The following MIPEP variants were observed in gnomAD, a reference collection of about 807,000 sequenced individuals.
MIPEP encodes the protein mitochondrial intermediate peptidase.
MIPEP carries 79 observed loss-of-function variants against 90.3 expected under a neutral mutation model. The observed-to-expected ratio is 0.87, with a 90% confidence interval of 0.73 to 1.05. The LOEUF (loss-of-function observed/expected upper bound fraction) is 1.05, where lower values mean the gene tolerates loss of function less well. Among genes scored for constraint, MIPEP ranks in the 50% least tolerant of loss-of-function variants. The pLI, the probability that MIPEP is intolerant of heterozygous loss-of-function variation, is 0.00. For synonymous variants in MIPEP, 334 were observed against 315.8 expected, an observed-to-expected ratio of 1.06 and a Z score of -0.61; for missense variants, 940 against 905.6, an observed-to-expected ratio of 1.04 and a Z score of -0.49.
rs573062542 is a variant in MIPEP at position 23,886,836 on chromosome 13, T to C, written c.190-330A>G. Among the ~76,000 whole-genome samples, 58 of 151,760 alleles carry C rather than the reference T, an allele frequency of 3.8e-4. 1 individual carries two copies. The East Asian group carries it at 6.4e-3, about 17-fold the overall frequency. ...TTAAATGAGATCATATATGTAAATA[T>C]ATATATATATATACATAAAGCAGTG... is the stretch of plus-strand genomic sequence containing the variant. On this transcript the variant is annotated intron_variant, in intron 1 of 18. Coordinates refer to ENST00000382172, the MANE Select transcript of MIPEP (RefSeq NM_005932.4).
chr13:23,848,588 G>GAA (rs751030714), intron 10 of MIPEP, among the ~76,000 whole-genome samples: 1 of 152,222 alleles, frequency 6.6e-6, no homozygotes, highest in Non-Finnish European at 1.5e-5. Context: ...GCAGAGGGGA[G>GAA]AAGCTGGGAA....
chr13:23,785,470 T>G, intron 16 of MIPEP, among the ~76,000 whole-genome samples: 1 of 111,428 alleles, frequency 9.0e-6, no homozygotes, highest in African/African-American at 3.4e-5. Context: ...CACCGGGGCC[T>G]GTCTTGGGGT....
At chr13:23,814,066 T>C (rs1439907322) in intron 14 of MIPEP, among the ~76,000 whole-genome samples, 1 of 152,228 alleles carries the variant, frequency 6.6e-6, no homozygotes, top group Non-Finnish European at 1.5e-5. Flanking sequence ...TTTGAAAATT[T>C]ACCAAAGTCT....
intron 5 of MIPEP, among the ~76,000 whole-genome samples, chr13:23,873,808 G>A (rs1028160574): frequency 6.6e-6 from 1 of 152,146 alleles, no homozygotes; most frequent in Admixed American, 6.5e-5. Context: ...AGCGGCAAAC[G>A]TGGTCACCTT....
At chr13:23,836,176 C>T in intron 14 of MIPEP, 64 bp downstream of exon 14, 1 of 1,011,532 alleles carries the variant, frequency 9.9e-7, no homozygotes, top group African/African-American at 1.7e-5. Context: ...TCAATTTATC[C>T]AGGATGTCAT....
intron 14 of MIPEP, among the ~76,000 whole-genome samples, chr13:23,831,902 G>C (rs1054307417): frequency 3.3e-5 from 5 of 152,100 alleles, no homozygotes; most frequent in African/African-American, 1.2e-4. Context: ...CTGGGTATAG[G>C]GGTTTAGACT....
intron 7 of MIPEP, among the ~76,000 whole-genome samples, chr13:23,865,025 A>G (rs1345169540): frequency 5.8e-5 from 1 of 17,386 alleles, no homozygotes; most frequent in East Asian, 0.17. Context: ...AAATAGCAAA[A>G]TAAGAAAAAT....
intron 18 of MIPEP, among the ~76,000 whole-genome samples, chr13:23,754,639 A>G (rs986787449): frequency 6.6e-6 from 1 of 152,208 alleles, no homozygotes; most frequent in Non-Finnish European, 1.5e-5. Context: ...TAAACACTGA[A>G]AAAGATTTAC....
chr13:23,741,757 AG>A (rs1233478647), intron 18 of MIPEP, among the ~76,000 whole-genome samples: 3 of 152,084 alleles, frequency 2.0e-5, no homozygotes, highest in African/African-American at 4.8e-5. Flanking sequence ...TTGTACAAAA[AG>A]CCCCCATGAC....
chr13:23,879,428 G>C (rs1174861088), intron 3 of MIPEP, 74 bp from the exon 4 acceptor site: 1 of 794,136 alleles, frequency 1.3e-6, no homozygotes, highest in African/African-American at 1.7e-5. Flanking sequence ...GAAAAGAATG[G>C]TGTCAGCTTG....
intron 3 of MIPEP, among the ~76,000 whole-genome samples, chr13:23,881,368 G>C (rs1215132427): frequency 1.3e-5 from 2 of 152,186 alleles, no homozygotes; most frequent in African/African-American, 4.8e-5. Context: ...AGAATCCTGG[G>C]TGTCTGTCAT....
At chr13:23,759,022 T>C (rs1021404579) in intron 17 of MIPEP, among the ~76,000 whole-genome samples, 4 of 152,130 alleles carry the variant, frequency 2.6e-5, no homozygotes, top group Non-Finnish European at 4.4e-5. Context: ...GCAGTAAAAA[T>C]AGCACTCATC....
At chr13:23,842,528 G>C (rs1431465366) in intron 10 of MIPEP, 2 of 152,136 alleles carry the variant, frequency 1.3e-5, no homozygotes, top group East Asian at 1.9e-4. Context: ...CTCGCTCCCT[G>C]GTTCGTTCAC....
Position 23,886,496 on chromosome 13 carries a change from C to T in MIPEP, c.200G>A (p.Gly67Glu). The T allele has an allele frequency of 6.3e-7, 1 of 1,583,680 alleles. No homozygotes were observed. Among genetic ancestry groups the T allele is most frequent in the South Asian group, 1.2e-5 (1 of 86,302 alleles). ...TTCTGGGGCACTCAGCTCAGGAACT[C>T]CAAAAAGACCCTTAGAACCAAAGAA... is the stretch of plus-strand genomic sequence containing the variant. ...DLFGERRGLF[G>E]VPELSAPEGF... The change falls in exon 2 of 19, where the codon GGA (glycine) becomes GAA (glutamate). Residue 67 changes from glycine to glutamate, a missense_variant. Transcript: ENST00000382172.
chr13:23,805,976 A>G lies in MIPEP; in HGVS notation c.1822T>C (p.Tyr608His), dbSNP rs1479160256. The G allele has an allele frequency of 6.2e-7, 1 of 1,614,090 alleles. No individual in the cohort carries two copies. Among genetic ancestry groups the G allele is most frequent in the South Asian group, 1.1e-5 (1 of 91,076 alleles). Reference protein sequence around the residue: ...DILKETQEKFYGLPYVPNTAW... With the variant: ...DILKETQEKFHGLPYVPNTAW... Reference sequence around the variant, plus strand: ...GTATTTGGAACATATGGTAGGCCATAGAATTTCTCTTGTGTTTCCTTGAGA... The same window carrying G: ...GTATTTGGAACATATGGTAGGCCATGGAATTTCTCTTGTGTTTCCTTGAGA... The change falls in exon 16 of 19, where the codon TAT becomes CAT. Residue 608 changes from tyrosine to histidine, a missense_variant. Coordinates refer to ENST00000382172, the MANE Select transcript of MIPEP (RefSeq NM_005932.4).
chr13:23,738,086 T>C (rs1952284506), intron 18 of MIPEP, among the ~76,000 whole-genome samples: 1 of 152,212 alleles, frequency 6.6e-6, no homozygotes, highest in African/African-American at 2.4e-5. Flanking sequence ...AAGAGTTTTT[T>C]CCATTCATTC....
Position 23,818,412 on chromosome 13 carries a change from C to T in MIPEP, c.1654-8488G>A, listed in dbSNP as rs141583553. Among the ~76,000 whole-genome samples the T allele has an allele frequency of 5.1e-3, 770 of 151,546 alleles. 10 individuals are homozygous for T. Among genetic ancestry groups the T allele is most frequent in the African/African-American group, 0.018 (725 of 41,236 alleles). ...CTGCACTCCAGCCTGGGTGACAGAGCGAGACTCTGTCTCAAAAATTAATAA... is the reference window on the plus strand; with the variant it reads ...CTGCACTCCAGCCTGGGTGACAGAGTGAGACTCTGTCTCAAAAATTAATAA... On this transcript the variant is annotated intron_variant, in intron 14 of 18. Coordinates refer to ENST00000382172, the MANE Select transcript of MIPEP (RefSeq NM_005932.4).
intron 10 of MIPEP, among the ~76,000 whole-genome samples, chr13:23,848,608 CAG>C (rs781242508): frequency 6.6e-6 from 1 of 152,188 alleles, no homozygotes; most frequent in Admixed American, 6.5e-5. Context: ...ATGGGAGGAA[CAG>C]AGAGAACTAC....
chr13:23,747,291 A>C (rs1952393205), intron 18 of MIPEP, among the ~76,000 whole-genome samples: 1 of 152,198 alleles, frequency 6.6e-6, no homozygotes. Flanking sequence ...CATGCTGCTT[A>C]AACAGAGTAC....
Sources: gnomAD v4.1 joint callset for allele counts (sites outside exome capture counted in the v4.1 genomes callset) on GRCh38, gnomAD v4.1.1 for gene constraint, MANE v1.5 for transcripts, NCBI Gene and HGNC (gene_info 2026-07-23, HGNC 2026-07-21) for gene names.